The following PMEPA1 variants were observed in gnomAD, a reference collection of about 807,000 sequenced individuals.
PMEPA1 encodes the protein protein TMEPAI.
PMEPA1 carries 11 observed loss-of-function variants against 23.0 expected under a neutral mutation model. The observed-to-expected ratio is 0.48, with a 90% CI of 0.30 to 0.79. The LOEUF (loss-of-function observed/expected upper bound fraction) is 0.79. PMEPA1 is among the 30% of genes least tolerant of loss of function. The pLI, the probability that PMEPA1 is intolerant of heterozygous loss-of-function variation, is 0.06. For synonymous variants in PMEPA1, 204 were observed against 166.4 expected (o/e 1.23, Z -1.74); for missense variants, 377 against 390.9 (o/e 0.96, Z 0.30).
intron 1 of PMEPA1, chr20:57,700,068 C>A (rs530714568): frequency 4.5e-5 from 21 of 471,182 alleles, no homozygotes; most frequent in Admixed American, 3.5e-4. Flanking sequence ...CTGGATTTGT[C>A]ACTTTCATGC....
rs1007100364 is a variant in PMEPA1, at chr20:57,690,291, G to T, written c.109+19183C>A. On this transcript the variant is annotated intron_variant, in intron 1 of 3. Transcript: ENST00000341744. ...GCTTGGGGCACAGACCACCCGGGGG[G>T]GCCGGGCCCAGTGCCTGCACCCACC... 17 of 574,240 alleles carry T rather than the reference G, an allele frequency of 3.0e-5. No homozygotes were observed. In the Admixed American group the frequency reaches 4.0e-4, roughly 14 times the overall value. The allele number at this position is 574,240 out of a possible 1,614,324, so 35.6% of individuals were successfully genotyped here. A position where few individuals can be genotyped will look rare whatever the true frequency, so the allele number is the denominator to read the frequency against.
intron 1 of PMEPA1, among the ~76,000 whole-genome samples, chr20:57,672,141 C>G (rs1274468574): frequency 6.6e-6 from 1 of 152,264 alleles, no homozygotes; most frequent in Non-Finnish European, 1.5e-5. Flanking sequence ...ATTTTTATAA[C>G]AGGCATAACA....
chr20:57,664,459 C>A (rs368557818), intron 1 of PMEPA1, among the ~76,000 whole-genome samples: 1 of 152,224 alleles, frequency 6.6e-6, no homozygotes, highest in African/African-American at 2.4e-5. Context: ...GGTGCCTCCC[C>A]GCAAAGGCCT....
intron 1 of PMEPA1, among the ~76,000 whole-genome samples, chr20:57,694,693 G>A (rs1368243047): frequency 6.6e-6 from 1 of 152,194 alleles, no homozygotes; most frequent in African/African-American, 2.4e-5. Flanking sequence ...CTCTTGGAGG[G>A]TTGCATGTAG....
intron 1 of PMEPA1, among the ~76,000 whole-genome samples, chr20:57,708,511 A>G (rs1201044388): frequency 1.3e-5 from 2 of 152,158 alleles, no homozygotes; most frequent in African/African-American, 4.8e-5. Flanking sequence ...GTTAGCGACA[A>G]GGTTCAAAAC....
intron 1 of PMEPA1, among the ~76,000 whole-genome samples, chr20:57,678,600 C>T (rs2071670539): frequency 6.6e-6 from 1 of 152,230 alleles, no homozygotes; most frequent in African/African-American, 2.4e-5. Context: ...TGCCATCTGG[C>T]TGCTGCAGCC....
At chr20:57,680,525 C>T (rs963033734) in intron 1 of PMEPA1, among the ~76,000 whole-genome samples, 1 of 152,190 alleles carries the variant, frequency 6.6e-6, no homozygotes, top group Non-Finnish European at 1.5e-5. Context: ...GCACCAAGGT[C>T]GAGAAACTCT....
At chr20:57,690,238 C>T (rs2071859050) in intron 1 of PMEPA1, among the ~76,000 whole-genome samples, 1 of 152,262 alleles carries the variant, frequency 6.6e-6, no homozygotes, top group South Asian at 2.1e-4. Flanking sequence ...TCTGACCTCA[C>T]CTCTTAGCGA....
chr20:57,686,958 G>A (rs1041470633), intron 1 of PMEPA1, among the ~76,000 whole-genome samples: 1 of 152,230 alleles, frequency 6.6e-6, no homozygotes, highest in Non-Finnish European at 1.5e-5. Flanking sequence ...CTCCCAAAAG[G>A]GTGATGGGCT....
At chr20:57,686,276 G>T (rs892865328) in intron 1 of PMEPA1, among the ~76,000 whole-genome samples, 1 of 152,228 alleles carries the variant, frequency 6.6e-6, no homozygotes, top group Non-Finnish European at 1.5e-5. Context: ...CAGATGCCCA[G>T]TGAGGGCTCA....
At chr20:57,706,097 G>A (rs2072082040) in intron 1 of PMEPA1, among the ~76,000 whole-genome samples, 1 of 152,194 alleles carries the variant, frequency 6.6e-6, no homozygotes, top group South Asian at 2.1e-4. Flanking sequence ...CTGGCCAGTG[G>A]GTGATGTTAA....
intron 1 of PMEPA1, among the ~76,000 whole-genome samples, chr20:57,689,098 T>G (rs1568980497): frequency 6.6e-6 from 1 of 152,222 alleles, no homozygotes. Flanking sequence ...TCAGCTTGAT[T>G]GGGTTTCAAA....
At chr20:57,702,946 G>T (rs2072032014) in intron 1 of PMEPA1, among the ~76,000 whole-genome samples, 1 of 152,232 alleles carries the variant, frequency 6.6e-6, no homozygotes. Flanking sequence ...GCTCTTCCAG[G>T]CTCACCCCAG....
chr20:57,656,867 C>A lies in PMEPA1; in HGVS notation c.264+2676G>T, dbSNP rs183795473. On this transcript the variant is annotated intron_variant, in intron 2 of 3. Coordinates refer to ENST00000341744, the MANE Select transcript of PMEPA1 (RefSeq NM_020182.5). This position sits in a 1 kb window ranked among gnomAD's most constrained non-coding sequence, Gnocchi z 4.7. Reference sequence around the variant, plus strand: ...GGGCTGGGGGGATGTAGACTGGGCCCGGGACAGATAAGAGCTGTATGTGGA... The same window carrying A: ...GGGCTGGGGGGATGTAGACTGGGCCAGGGACAGATAAGAGCTGTATGTGGA... 6.6e-6 allele frequency among the ~76,000 whole-genome samples: 1 copy of A among 152,168 alleles called. No homozygotes were observed. The highest frequency in any genetic ancestry group is 1.5e-5 in the Non-Finnish European group (1 of 68,012).
rs1600682491 is a variant in PMEPA1 at position 57,709,701 on chromosome 20, C to T, written c.-119G>A. 7 of 978,034 alleles carry T rather than the reference C, an allele frequency of 7.2e-6. No homozygotes were observed. The highest frequency in any genetic ancestry group is 8.5e-6 in the Non-Finnish European group (7 of 826,892). The allele number at this position is 978,034 out of a possible 1,614,324, so 60.6% of individuals were successfully genotyped here. A position where few individuals can be genotyped will look rare whatever the true frequency, so the allele number is the denominator to read the frequency against. On this transcript the variant is annotated 5_prime_UTR_variant, in exon 1 of 4. Coordinates refer to ENST00000341744, the MANE Select transcript of PMEPA1 (RefSeq NM_020182.5). ...GAGGCGCGCGGCGGGGGAGGCGCGC[C>T]CCGGCTCGCCGGGCTCGGGTCGCCG...
chr20:57,665,912 T>C (rs1316668306), intron 1 of PMEPA1, among the ~76,000 whole-genome samples: 3 of 152,208 alleles, frequency 2.0e-5, no homozygotes, highest in African/African-American at 7.2e-5. Context: ...GGAGGCACCT[T>C]TCTCTCCCCC....
chr20:57,706,021 G>A (rs912418508), intron 1 of PMEPA1, among the ~76,000 whole-genome samples: 1 of 152,214 alleles, frequency 6.6e-6, no homozygotes, highest in Non-Finnish European at 1.5e-5. Flanking sequence ...TGTCCTGTGA[G>A]TTTCTGATAT....
At position 57,652,250 on chromosome 20, in the gene PMEPA1, C is replaced by T. The variant is rs767219337; in HGVS notation, c.667G>A (p.Gly223Arg). 2.5e-6 allele frequency: 4 copies of T among 1,607,360 alleles called. No homozygotes were observed. Among genetic ancestry groups the T allele is most frequent in the Non-Finnish European group, 2.5e-6 (3 of 1,179,326 alleles). The change falls in exon 4 of 4, where the codon GGG becomes AGG. Residue 223 changes from glycine (G) to arginine (R), a missense_variant. Transcript: ENST00000341744. This position sits in a 1 kb window ranked among gnomAD's most constrained non-coding sequence, Gnocchi z 6.1. Reference sequence around the variant, plus strand: ...GTGGGCGGCGGCCCCTCCATGCGCCCGCCGCTGCCGTAGCACGTGGCGCTG... The same window carrying T: ...GTGGGCGGCGGCCCCTCCATGCGCCTGCCGCTGCCGTAGCACGTGGCGCTG... The part of the protein sequence containing the change: ...GISATCYGSG[G>R]RMEGPPPTYS...
chr20:57,676,807 G>A (rs1377558509), intron 1 of PMEPA1, among the ~76,000 whole-genome samples: 2 of 152,156 alleles, frequency 1.3e-5, no homozygotes, highest in East Asian at 1.9e-4. Context: ...GAACCTTGGC[G>A]TTCATCCCTC....
Sources: allele counts gnomAD v4.1 joint callset (sites outside exome capture counted in the v4.1 genomes callset), GRCh38; gene constraint gnomAD v4.1.1; non-coding constraint Gnocchi (gnomAD v3.1); transcripts MANE v1.5; gene names NCBI Gene and HGNC (gene_info 2026-07-23, HGNC 2026-07-21).